The following MITF variants were observed in gnomAD, a reference collection of about 807,000 sequenced individuals.
MITF encodes the protein melanocyte inducing transcription factor, also known as microphthalmia-associated transcription factor.
MITF carries 17 observed loss-of-function variants against 60.5 expected under a neutral mutation model. The observed-to-expected ratio is 0.28, with a 90% confidence interval of 0.19 to 0.42. The LOEUF (loss-of-function observed/expected upper bound fraction) is 0.42. MITF is among the 10% of genes least tolerant of loss of function. The pLI, the probability that MITF is intolerant of heterozygous loss-of-function variation, is 1.00. For missense variants in MITF, 622 were observed against 683.5 expected (o/e 0.91, Z 1.00); for synonymous variants, 260 against 248.5 (o/e 1.05, Z -0.43).
chr3:69,766,800 G>A (rs993774867), intron 1 of MITF, among the ~76,000 whole-genome samples: 2 of 152,152 alleles, frequency 1.3e-5, no homozygotes, highest in Non-Finnish European at 2.9e-5. Context: ...ACTCTTTCCT[G>A]TGAACCCAGG....
Position 69,818,012 on chromosome 3 carries a change from G to A in MITF, c.105-61122G>A, listed in dbSNP as rs1005304362. On this transcript the variant is annotated intron_variant, in intron 1 of 9. Transcript: ENST00000352241. ...TTAGATATTGTTAGGATAAAACTTC[G>A]CTGATGGTTTTATCAGCGATAAACT... is the stretch of plus-strand genomic sequence containing the variant. Among the ~76,000 whole-genome samples, 5 of 152,114 alleles carry A rather than the reference G, an allele frequency of 3.3e-5. No individual in the cohort carries two copies. The South Asian group carries it at 8.3e-4, about 25-fold the overall frequency.
chr3:69,856,658 C>T lies in MITF; in HGVS notation c.105-22476C>T, dbSNP rs566082253. Among the ~76,000 whole-genome samples, 8 of 152,290 alleles carry T rather than the reference C, an allele frequency of 5.3e-5. No homozygotes were observed. The South Asian group carries it at 1.7e-3, about 32-fold the overall frequency. On this transcript the variant is annotated intron_variant, in intron 1 of 9. Coordinates refer to ENST00000352241, the MANE Select transcript of MITF (RefSeq NM_001354604.2). ...CTCAAAGGAAGCCTATCATTCTCCC[C>T]CAAATTTCCAAAGACCTTGTTTCCC...
At chr3:69,783,934 G>A (rs1404084400) in intron 1 of MITF, among the ~76,000 whole-genome samples, 2 of 152,264 alleles carry the variant, frequency 1.3e-5, no homozygotes, top group African/African-American at 4.8e-5. Flanking sequence ...TGTCAGCATA[G>A]GGATAAAGAT....
intron 1 of MITF, among the ~76,000 whole-genome samples, chr3:69,851,977 G>T (rs1025633291): frequency 6.6e-6 from 1 of 151,976 alleles, no homozygotes; most frequent in Admixed American, 6.6e-5. Context: ...AATCCTAAAG[G>T]AAATACTGAT....
chr3:69,753,153 T>A (rs571609169), intron 1 of MITF, among the ~76,000 whole-genome samples: 33 of 151,766 alleles, frequency 2.2e-4, no homozygotes, highest in African/African-American at 7.7e-4. Context: ...GCTCTCCACA[T>A]CCTAGTTGCT....
At chr3:69,877,941 G>A (rs7355804) in intron 1 of MITF, among the ~76,000 whole-genome samples, 2 of 152,056 alleles carry the variant, frequency 1.3e-5, no homozygotes, top group Admixed American at 1.3e-4. Context: ...CAGGTGCTAA[G>A]GTTTTGAACC....
chr3:69,897,262 G>A (rs894512557), intron 2 of MITF, among the ~76,000 whole-genome samples: 6 of 152,178 alleles, frequency 3.9e-5, no homozygotes, highest in African/African-American at 1.4e-4. Flanking sequence ...TTGGAGGTGG[G>A]GAGGCGATCA....
intron 1 of MITF, among the ~76,000 whole-genome samples, chr3:69,820,515 C>T (rs1164560800): frequency 6.6e-6 from 1 of 151,902 alleles, no homozygotes; most frequent in Non-Finnish European, 1.5e-5. Flanking sequence ...AAGAGCTTTA[C>T]AGAGCTTAAA....
intron 1 of MITF, chr3:69,758,786 C>G (rs1297388020): frequency 4.8e-6 from 1 of 207,810 alleles, no homozygotes; most frequent in Non-Finnish European, 9.8e-6. Flanking sequence ...TTTGCTAAAC[C>G]CTTTCAGGAA....
chr3:69,757,984 G>A (rs2106791667), intron 1 of MITF, among the ~76,000 whole-genome samples: 2 of 145,700 alleles, frequency 1.4e-5, no homozygotes, highest in Admixed American at 6.8e-5. Context: ...AGAACCTGGA[G>A]TTACCCTAGG....
At chr3:69,821,749 A>G (rs371542048) in intron 1 of MITF, among the ~76,000 whole-genome samples, 2 of 145,904 alleles carry the variant, frequency 1.4e-5, no homozygotes, top group African/African-American at 5.0e-5. Context: ...TTAAAATTTT[A>G]TTTTATTATG....
chr3:69,766,681 C>T (rs1284607464), intron 1 of MITF, among the ~76,000 whole-genome samples: 1 of 152,100 alleles, frequency 6.6e-6, no homozygotes, highest in Non-Finnish European at 1.5e-5. Flanking sequence ...GTGGGTCTGT[C>T]TCCCGCTATA....
At chr3:69,819,663 A>G (rs1306518831) in intron 1 of MITF, among the ~76,000 whole-genome samples, 1 of 152,162 alleles carries the variant, frequency 6.6e-6, no homozygotes, top group Non-Finnish European at 1.5e-5. Context: ...AAACTACAAA[A>G]AAACCATGAG....
intron 1 of MITF, among the ~76,000 whole-genome samples, chr3:69,741,732 A>G (rs1333837464): frequency 6.6e-6 from 1 of 152,218 alleles, no homozygotes; most frequent in African/African-American, 2.4e-5. Flanking sequence ...TTTGAAATAA[A>G]CCAGTTAAAT....
chr3:69,872,991 G>GTT (rs1273344995), intron 1 of MITF, among the ~76,000 whole-genome samples: 4 of 152,132 alleles, frequency 2.6e-5, no homozygotes, highest in African/African-American at 9.7e-5. Context: ...GCTATGTTTT[G>GTT]TAAGCCTTTG....
intron 1 of MITF, among the ~76,000 whole-genome samples, chr3:69,845,468 A>T (rs2063715993): frequency 8.1e-6 from 1 of 123,916 alleles, no homozygotes; most frequent in African/African-American, 3.0e-5. Flanking sequence ...CTATTTCCTC[A>T]CAGAAACTCT....
intron 1 of MITF, among the ~76,000 whole-genome samples, chr3:69,783,503 T>TAA (rs1287369517): frequency 1.3e-5 from 2 of 148,750 alleles, no homozygotes; most frequent in African/African-American, 2.4e-5. Context: ...TATATATATA[T>TAA]AATTTATATA....
chr3:69,845,764 G>A (rs933789446), intron 1 of MITF, among the ~76,000 whole-genome samples: 3 of 152,118 alleles, frequency 2.0e-5, no homozygotes, highest in Non-Finnish European at 4.4e-5. Flanking sequence ...GCAACCCATT[G>A]TTGGTCCACC....
At chr3:69,867,977 A>C (rs1037510192) in intron 1 of MITF, among the ~76,000 whole-genome samples, 1 of 152,202 alleles carries the variant, frequency 6.6e-6, no homozygotes, top group East Asian at 1.9e-4. Context: ...GAGAGCACAC[A>C]CTGTGAATTA....
Sources: gnomAD v4.1 joint callset for allele counts (sites outside exome capture counted in the v4.1 genomes callset) on GRCh38, gnomAD v4.1.1 for gene constraint, MANE v1.5 for transcripts, NCBI Gene and HGNC (gene_info 2026-07-23, HGNC 2026-07-21) for gene names.